The following CHD6 variants were observed in gnomAD, a reference collection of about 807,000 sequenced individuals.
The protein encoded by CHD6 is chromodomain helicase DNA binding protein 6.
Under a neutral mutation model 276.9 loss-of-function variants are expected in CHD6, and 50 were observed. The observed-to-expected ratio is 0.18, with a 90% confidence interval of 0.14 to 0.23. The LOEUF (loss-of-function observed/expected upper bound fraction) is 0.23. Ranked by LOEUF, CHD6 falls within the 10% of genes least tolerant of loss-of-function variation. CHD6 has a pLI of 1.00. For missense variants in CHD6, 2,564 were observed against 3,365.8 expected, an observed-to-expected ratio of 0.76 and a Z score of 5.89; for synonymous variants, 1,173 against 1,229.3, an observed-to-expected ratio of 0.95 and a Z score of 0.96.
At chr20:41,508,855 A>C (rs1426628864) in intron 5 of CHD6, among the ~76,000 whole-genome samples, 1 of 152,182 alleles carries the variant, frequency 6.6e-6, no homozygotes, top group Non-Finnish European at 1.5e-5. Context: ...AGGAAACAAA[A>C]GCCTGGGAGA....
intron 12 of CHD6, among the ~76,000 whole-genome samples, chr20:41,489,319 T>C (rs185515885): frequency 6.6e-6 from 1 of 152,316 alleles, no homozygotes; most frequent in Non-Finnish European, 1.5e-5. Flanking sequence ...CTTAAAAACT[T>C]AAAGAGAAAA....
At chr20:41,531,584 C>A (rs1452144504) in intron 3 of CHD6, among the ~76,000 whole-genome samples, 1 of 152,182 alleles carries the variant, frequency 6.6e-6, no homozygotes, top group Non-Finnish European at 1.5e-5. Flanking sequence ...GTTTTGTCTA[C>A]CTCTCTCTTG....
At chr20:41,554,430 T>C (rs2045190957) in intron 1 of CHD6, among the ~76,000 whole-genome samples, 1 of 151,822 alleles carries the variant, frequency 6.6e-6, no homozygotes. Context: ...CTTGGGTGTT[T>C]CTCGCAGAGG....
rs541315251 is a variant in CHD6, at chr20:41,542,642, G to A, written c.33+8663C>T. Among the ~76,000 whole-genome samples the A allele has an allele frequency of 2.5e-3, 373 of 151,424 alleles. 2 individuals carry two copies. Among genetic ancestry groups the A allele is most frequent in the African/African-American group, 8.5e-3 (350 of 41,212 alleles). On this transcript the variant is annotated intron_variant, in intron 2 of 36. Transcript: ENST00000373233. ...TGGGAGGTGGAGCTTGCAGGGAGCCGAGATCGCACCACTGCACTCCAGCCT... is the reference window on the plus strand; with the variant it reads ...TGGGAGGTGGAGCTTGCAGGGAGCCAAGATCGCACCACTGCACTCCAGCCT...
intron 36 of CHD6, among the ~76,000 whole-genome samples, chr20:41,409,256 C>T (rs780952815): frequency 6.6e-6 from 1 of 152,178 alleles, no homozygotes; most frequent in South Asian, 2.1e-4. Context: ...CCCAGCAGCG[C>T]GGCGACCACA....
At chr20:41,437,924 T>C (rs1004986350) in intron 26 of CHD6, among the ~76,000 whole-genome samples, 3 of 151,934 alleles carry the variant, frequency 2.0e-5, no homozygotes, top group Admixed American at 6.5e-5. Flanking sequence ...TTTATTCAAC[T>C]GAGACTGCAG....
rs61227802 is a variant in CHD6 at position 41,431,776 on chromosome 20, C to CTTTTTTTTTTTT, written c.4068+5486_4068+5497dup. 7.4e-4 allele frequency among the ~76,000 whole-genome samples: 77 copies of CTTTTTTTTTTTT among 104,756 alleles called. 13 individuals carry two copies. The highest frequency in any genetic ancestry group is 2.2e-3 in the African/African-American group (58 of 26,776). The allele number at this position is 104,756 out of a possible 152,430, so 68.7% of individuals were successfully genotyped here. On this transcript the variant is annotated intron_variant, in intron 27 of 36. Coordinates refer to ENST00000373233, the MANE Select transcript of CHD6 (RefSeq NM_032221.5). The stretch of plus-strand genomic sequence containing the variant: ...AGGAATGACATGATGAAAAAACATG[C>CTTTTTTTTTTTT]TTTTTTTTTTTTTTTGCTTCATATA...
At position 41,415,203 on chromosome 20, in the gene CHD6, G is replaced by T. The variant is rs2046956949; in HGVS notation, c.6922C>A (p.Leu2308Ile). ...MDLIFLKEQT[L>I]QAGILEVHED... The stretch of plus-strand genomic sequence containing the variant: ...ATACCCACCAAGATTCCCGCCTGAA[G>T]TGTCTGCTCCTTCAAAAAGATGAGG... The change falls in exon 34 of 37, where the codon CTT becomes ATT. Residue 2308 changes from leucine to isoleucine, a missense_variant. Leu to Ile is a conservative substitution (Grantham distance 5, BLOSUM62 2). Coordinates refer to ENST00000373233, the MANE Select transcript of CHD6 (RefSeq NM_032221.5). 6.2e-7 allele frequency: 1 copy of T among 1,613,812 alleles called. No individual in the cohort carries two copies. Among genetic ancestry groups the T allele is most frequent in the African/African-American group, 1.3e-5 (1 of 74,900 alleles).
Position 41,416,596 on chromosome 20 carries a change from T to C in CHD6, c.6478A>G (p.Ile2160Val), listed in dbSNP as rs2047003785. The change falls in exon 33 of 37, where the codon ATC (isoleucine) becomes GTC (valine). Residue 2160 changes from isoleucine (I) to valine (V), a missense_variant. This residue lies in a region of CHD6 where 1,024 missense variants were observed against 1,047.9 expected (regional missense o/e 0.98). Coordinates refer to ENST00000373233, the MANE Select transcript of CHD6 (RefSeq NM_032221.5). ...CATTCTTGCCGGCTCACCTTGTGGA[T>C]CTGGGCCGCCAATGCTGCGCCGTTG... ...FSNGAALAAQ[I>V]HKESFLAPVF... 2.5e-6 allele frequency: 4 copies of C among 1,611,290 alleles called. No individual in the cohort carries two copies. The highest frequency in any genetic ancestry group is 3.4e-6 in the Non-Finnish European group (4 of 1,179,162).
chr20:41,497,939 T>C (rs868459675), intron 7 of CHD6: 2 of 505,202 alleles, frequency 4.0e-6, no homozygotes, highest in African/African-American at 1.9e-5. Context: ...TCTGAGCCAA[T>C]GGTCTTGGGT....
intron 2 of CHD6, among the ~76,000 whole-genome samples, chr20:41,549,646 T>C (rs2045114050): frequency 6.7e-6 from 1 of 149,214 alleles, no homozygotes; most frequent in Admixed American, 6.7e-5. Context: ...AGTATAATAA[T>C]AATAAAATTA....
chr20:41,600,873 T>C (rs192040334), intron 1 of CHD6, among the ~76,000 whole-genome samples: 36 of 152,312 alleles, frequency 2.4e-4, no homozygotes, highest in Admixed American at 5.9e-4. Flanking sequence ...TGGGTAGCAT[T>C]TGCCCCTCCC....
At position 41,473,253 on chromosome 20, in the gene CHD6, G is replaced by C; in HGVS notation, c.2664+69C>G. 1 of 1,483,360 alleles carries C rather than the reference G, an allele frequency of 6.7e-7. No individual in the cohort carries two copies. The highest frequency in any genetic ancestry group is 9.3e-7 in the Non-Finnish European group (1 of 1,078,338). 91.9% of individuals were successfully genotyped at this position (1,483,360 alleles called of 1,614,324 possible). ...AGCATCACGGATGCTCTGTAGCCAA[G>C]CCAGGCCCTATCATGATGTTCTGGG... On this transcript the variant is annotated intron_variant, in intron 17 of 36. Coordinates refer to ENST00000373233, the MANE Select transcript of CHD6 (RefSeq NM_032221.5). This position sits in a 1 kb window ranked among gnomAD's most constrained non-coding sequence, Gnocchi z 4.1.
At chr20:41,605,924 T>C (rs915495705) in intron 1 of CHD6, among the ~76,000 whole-genome samples, 3 of 152,164 alleles carry the variant, frequency 2.0e-5, no homozygotes, top group African/African-American at 7.2e-5. Context: ...GAGAACCTAC[T>C]ATGTACAAAC....
Position 41,413,535 on chromosome 20 carries a change from G to A in CHD6, c.6940-20C>T. The A allele has an allele frequency of 6.7e-7, 1 of 1,503,750 alleles. No individual in the cohort carries two copies. The highest frequency in any genetic ancestry group is 8.9e-7 in the Non-Finnish European group (1 of 1,121,450). 93.2% of individuals were successfully genotyped at this position (1,503,750 alleles called of 1,614,324 possible). On this transcript the variant is annotated intron_variant, in intron 34 of 36. Transcript: ENST00000373233. ...GACTTCCTGGATGAAGGAAAAACGAGTATGTATAATCACGACACAATGAAA... is the reference window on the plus strand; with the variant it reads ...GACTTCCTGGATGAAGGAAAAACGAATATGTATAATCACGACACAATGAAA...
At position 41,403,815 on chromosome 20, in the gene CHD6, G is replaced by C. The variant is rs188458115; in HGVS notation, c.*778C>G. The C allele has an allele frequency of 9.5e-7, 1 of 1,057,586 alleles. No homozygotes were observed. Among genetic ancestry groups the C allele is most frequent in the East Asian group, 5.2e-5 (1 of 19,180 alleles). 65.5% of individuals were successfully genotyped at this position (1,057,586 alleles called of 1,614,324 possible). On this transcript the variant is annotated 3_prime_UTR_variant, in exon 37 of 37. Transcript: ENST00000373233. The stretch of plus-strand genomic sequence containing the variant: ...CTTGTGAAGCAGCGTGTAGCTCTAC[G>C]GAGCGCGGGTCCTTGCCCCACCCCC...
chr20:41,579,129 C>CAAA (rs58395642), intron 1 of CHD6, among the ~76,000 whole-genome samples: 9 of 42,794 alleles, frequency 2.1e-4, no homozygotes, highest in Admixed American at 2.8e-4. Context: ...GACTCCATCT[C>CAAA]AAAAAAAAAA....
chr20:41,551,913 C>T (rs530635192), intron 1 of CHD6, among the ~76,000 whole-genome samples: 134 of 152,202 alleles, frequency 8.8e-4, no homozygotes, highest in African/African-American at 3.1e-3. Flanking sequence ...ATATTTCATA[C>T]GATTTTTTTT....
chr20:41,425,110 C>T lies in CHD6; in HGVS notation c.4346+68G>A, dbSNP rs144961338. On this transcript the variant is annotated intron_variant, in intron 29 of 36. Coordinates refer to ENST00000373233, the MANE Select transcript of CHD6 (RefSeq NM_032221.5). ...GAAATATACTCGCCCTCCAAGCTAC[C>T]GGCTTTACCTTTTGAAAACTTTACC... The T allele has an allele frequency of 4.9e-3, 6,176 of 1,268,804 alleles. 23 individuals carry two copies. Among genetic ancestry groups the T allele is most frequent in the Non-Finnish European group, 5.9e-3 (5,154 of 870,230 alleles). The allele number at this position is 1,268,804 out of a possible 1,614,324, so 78.6% of individuals were successfully genotyped here.
Sources: gnomAD v4.1 joint callset for allele counts (sites outside exome capture counted in the v4.1 genomes callset) on GRCh38, gnomAD v4.1.1 for gene constraint, gnomAD v4.1.1 regional missense constraint, Gnocchi (gnomAD v3.1) non-coding constraint, MANE v1.5 for transcripts, NCBI Gene and HGNC (gene_info 2026-07-23, HGNC 2026-07-21) for gene names.